Variants in OPA1 observed in about 807,000 individuals in gnomAD.
The protein encoded by OPA1 is dynamin-like GTPase OPA1, mitochondrial.
OPA1 carries 59 observed loss-of-function variants against 152.9 expected under a neutral mutation model. The observed-to-expected ratio is 0.39, with a 90% confidence interval of 0.31 to 0.48. The LOEUF (loss-of-function observed/expected upper bound fraction) is 0.48, where lower values mean the gene tolerates loss of function less well. Among genes scored for constraint, OPA1 ranks in the 20% least tolerant of loss-of-function variants. The pLI is 0.96. For missense variants in OPA1, 1,008 were observed against 1,216.8 expected (o/e 0.83, Z 2.55); for synonymous variants, 400 against 389.9 (o/e 1.03, Z -0.31).
intron 29 of OPA1, 187 bp downstream of exon 29, chr3:193,667,467 A>T (rs1716847296): frequency 1.6e-6 from 1 of 629,656 alleles, no homozygotes; most frequent in Non-Finnish European, 3.0e-6. Context: ...TCAGAAGATC[A>T]AGACCATCCT....
intron 29 of OPA1, chr3:193,668,491 C>G (rs1717173018): frequency 3.2e-6 from 5 of 1,550,614 alleles, no homozygotes; most frequent in Non-Finnish European, 4.4e-6. Context: ...CCAGGTGCCT[C>G]TCCATCTCAT....
chr3:193,647,234 A>G, intron 19 of OPA1, 54 bp downstream of exon 19: 1 of 1,104,116 alleles, frequency 9.1e-7, no homozygotes, highest in Non-Finnish European at 1.4e-6. Flanking sequence ...ATTAGCTGGC[A>G]ATCTTTGGCA....
chr3:193,665,015 AAG>A lies in OPA1; in HGVS notation c.2778+23_2778+24del. The stretch of plus-strand genomic sequence containing the variant: ...TTCTGAGGTAAGGTTTCCAAAAACA[AAG>A]AGAAGTATTTTTAAGCAACAGTTGT... On this transcript the variant is annotated intron_variant, in intron 27 of 30. Transcript: ENST00000361510. 1 of 1,325,466 alleles carries A rather than the reference AAG, an allele frequency of 7.5e-7. No homozygotes were observed. Among genetic ancestry groups the A allele is most frequent in the East Asian group, 2.3e-5 (1 of 43,398 alleles). The allele number at this position is 1,325,466 out of a possible 1,614,324, so 82.1% of individuals were successfully genotyped here.
intron 1 of OPA1, 95 bp downstream of exon 1, chr3:193,593,504 C>A: frequency 8.2e-7 from 1 of 1,226,160 alleles, no homozygotes. Context: ...AGGTGACTCT[C>A]AGGCCAGGCC....
At chr3:193,606,263 TAAA>T (rs869031943) in intron 1 of OPA1, among the ~76,000 whole-genome samples, 1 of 152,144 alleles carries the variant, frequency 6.6e-6, no homozygotes, top group Non-Finnish European at 1.5e-5. Flanking sequence ...AAGTGTGACT[TAAA>T]AAAATTTTTT....
chr3:193,619,245 C>A (rs1729602120), intron 6 of OPA1, among the ~76,000 whole-genome samples: 1 of 152,144 alleles, frequency 6.6e-6, no homozygotes, highest in Non-Finnish European at 1.5e-5. Flanking sequence ...AAGCGGACTT[C>A]TTTTCTTTCC....
At chr3:193,639,140 G>C (rs978500560) in intron 11 of OPA1, among the ~76,000 whole-genome samples, 1 of 152,114 alleles carries the variant, frequency 6.6e-6, no homozygotes, top group Admixed American at 6.6e-5. Flanking sequence ...GAAGGTATGG[G>C]GCTGCAGAGT....
intron 25 of OPA1, among the ~76,000 whole-genome samples, chr3:193,660,567 A>G (rs1490809156): frequency 6.6e-6 from 1 of 151,660 alleles, no homozygotes; most frequent in Non-Finnish European, 1.5e-5. Context: ...AATACAGTTA[A>G]TTGTATAATC....
At chr3:193,617,687 C>T in intron 4 of OPA1, 97 bp from the exon 5 acceptor site, 1 of 877,012 alleles carries the variant, frequency 1.1e-6, no homozygotes, top group Non-Finnish European at 1.9e-6. Context: ...CAATTATTGC[C>T]CTATCGTAAT....
Position 193,641,740 on chromosome 3 carries a change from A to G in OPA1, c.1150-1025A>G, listed in dbSNP as rs184297065. On this transcript the variant is annotated intron_variant, in intron 11 of 30. Transcript: ENST00000361510. ...GAAGGAATTGTATTTTTAAAGTAAAATAACTATAGAGAAGCTAGAAAGGTG... is the reference window on the plus strand; with the variant it reads ...GAAGGAATTGTATTTTTAAAGTAAAGTAACTATAGAGAAGCTAGAAAGGTG... Among the ~76,000 whole-genome samples, 14 of 152,362 alleles carry G rather than the reference A, an allele frequency of 9.2e-5. No individual in the cohort carries two copies. The East Asian group carries it at 2.5e-3, about 27-fold the overall frequency.
intron 1 of OPA1, among the ~76,000 whole-genome samples, chr3:193,595,770 TTC>T (rs1421572831): frequency 1.3e-5 from 2 of 152,152 alleles, no homozygotes; most frequent in East Asian, 1.9e-4. Context: ...TGAGACGTTT[TTC>T]TCTCTTATTT....
At chr3:193,688,721 C>T (rs768665341) in intron 29 of OPA1, among the ~76,000 whole-genome samples, 7 of 152,040 alleles carry the variant, frequency 4.6e-5, no homozygotes, top group Non-Finnish European at 8.8e-5. Context: ...AGCTCACGCC[C>T]TGTAATTCCA....
intron 29 of OPA1, among the ~76,000 whole-genome samples, chr3:193,690,313 C>G (rs1440389569): frequency 1.2e-4 from 2 of 16,196 alleles, no homozygotes; most frequent in African/African-American, 2.5e-4. Context: ...TCCCCCCCCA[C>G]CCCACCCCAC....
At chr3:193,645,651 T>G (rs761923033) in intron 17 of OPA1, 26 bp downstream of exon 17, 1 of 1,606,678 alleles carries the variant, frequency 6.2e-7, no homozygotes, top group Admixed American at 1.7e-5. Context: ...TTATAATAAC[T>G]TATTTTTAGT....
intron 29 of OPA1, among the ~76,000 whole-genome samples, chr3:193,676,009 T>C (rs1718915540): frequency 6.6e-6 from 1 of 152,252 alleles, no homozygotes; most frequent in African/African-American, 2.4e-5. Flanking sequence ...TCACTCCTGT[T>C]CTGCCCACTC....
At chr3:193,621,042 T>C (rs1729967253) in intron 6 of OPA1, among the ~76,000 whole-genome samples, 1 of 152,248 alleles carries the variant, frequency 6.6e-6, no homozygotes, top group Non-Finnish European at 1.5e-5. Flanking sequence ...GTCTGAGGGC[T>C]GAAAGCCCCA....
At chr3:193,650,305 G>A (rs370623008) in intron 21 of OPA1, among the ~76,000 whole-genome samples, 29 of 152,066 alleles carry the variant, frequency 1.9e-4, no homozygotes, top group Admixed American at 9.8e-4. Context: ...GTAAGCTGCC[G>A]GATCATATAT....
chr3:193,679,576 CAT>C (rs1468406249), intron 29 of OPA1, among the ~76,000 whole-genome samples: 1 of 152,154 alleles, frequency 6.6e-6, no homozygotes, highest in Non-Finnish European at 1.5e-5. Flanking sequence ...TGGGGCTAAT[CAT>C]ATGTGTTACA....
chr3:193,637,094 A>G (rs1733057653), intron 9 of OPA1, 101 bp from the exon 10 acceptor site: 3 of 647,420 alleles, frequency 4.6e-6, no homozygotes, highest in Middle Eastern at 4.3e-4. Context: ...ATGATTATGG[A>G]AAAACAATTT....
Sources: allele counts gnomAD v4.1 joint callset (sites outside exome capture counted in the v4.1 genomes callset), GRCh38; gene constraint gnomAD v4.1.1; transcripts MANE v1.5; gene names NCBI Gene and HGNC (gene_info 2026-07-23, HGNC 2026-07-21).